The following NPHP3 variants were observed in gnomAD, a reference collection of about 807,000 sequenced individuals.
The protein encoded by NPHP3 is nephrocystin-3.
NPHP3 carries 123 observed loss-of-function variants against 171.9 expected under a neutral mutation model. That is an observed-to-expected ratio of 0.72 (90% CI 0.62 to 0.83). The LOEUF is 0.83. Ranked by LOEUF, NPHP3 falls within the 40% of genes least tolerant of loss-of-function variation. The pLI, the probability that NPHP3 is intolerant of heterozygous loss-of-function variation, is 0.00. For missense variants in NPHP3, 1,506 were observed against 1,591.9 expected (o/e 0.95, Z 0.92); for synonymous variants, 558 against 579.2 (o/e 0.96, Z 0.52).
intron 16 of NPHP3, chr3:132,693,030 C>A: frequency 5.7e-6 from 3 of 529,160 alleles, no homozygotes; most frequent in South Asian, 2.5e-5. Flanking sequence ...ATCTAGCACA[C>A]CAAAGATAAC....
At chr3:132,684,449 CAT>C in intron 24 of NPHP3, 103 bp downstream of exon 24, 1 of 1,118,434 alleles carries the variant, frequency 8.9e-7, no homozygotes, top group Non-Finnish European at 1.3e-6. Context: ...TTTTAAAGCT[CAT>C]ATAAACTAAC....
chr3:132,705,247 CA>C (rs1939715543), intron 8 of NPHP3, among the ~76,000 whole-genome samples: 2 of 151,964 alleles, frequency 1.3e-5, no homozygotes, highest in Non-Finnish European at 2.9e-5. Flanking sequence ...ATATATAACT[CA>C]CATAAATTTT....
intron 16 of NPHP3, 128 bp downstream of exon 16, chr3:132,694,699 G>T: frequency 2.0e-6 from 2 of 979,244 alleles, no homozygotes; most frequent in Non-Finnish European, 3.1e-6. Flanking sequence ...GCACACTATG[G>T]CTATCAGCAT....
At chr3:132,685,373 C>T (rs1204049356) in intron 23 of NPHP3, 3 of 152,790 alleles carry the variant, frequency 2.0e-5, no homozygotes, top group Admixed American at 1.3e-4. Context: ...GCCTCAGCCT[C>T]CTAAAGCTCT....
At chr3:132,718,266 A>T (rs547622075) in intron 3 of NPHP3, 10 of 299,292 alleles carry the variant, frequency 3.3e-5, no homozygotes, top group South Asian at 2.7e-4. Context: ...TTCTTTTTTC[A>T]GTATCAATCA....
chr3:132,706,536 G>A (rs1015824915), intron 7 of NPHP3, among the ~76,000 whole-genome samples: 2 of 151,842 alleles, frequency 1.3e-5, no homozygotes, highest in African/African-American at 4.8e-5. Context: ...AAGCAAAATA[G>A]TATACTATGT....
intron 24 of NPHP3, among the ~76,000 whole-genome samples, chr3:132,683,750 C>A (rs1212377717): frequency 6.6e-6 from 1 of 152,186 alleles, no homozygotes; most frequent in Non-Finnish European, 1.5e-5. Flanking sequence ...TTAGGATCAT[C>A]CACTATTACT....
chr3:132,722,036 T>C lies in NPHP3; in HGVS notation c.320A>G (p.Gln107Arg). 3 of 1,613,160 alleles carry C rather than the reference T, an allele frequency of 1.9e-6. No homozygotes were observed. The highest frequency in any genetic ancestry group is 2.5e-6 in the Non-Finnish European group (3 of 1,179,880). Residue 107 changes from glutamine to arginine, a missense_variant, in exon 1 of 27, where the codon CAG (glutamine) becomes CGG (arginine). Gln to Arg is a conservative substitution (Grantham distance 43). This residue lies in a region of NPHP3 where 930 missense variants were observed against 924.9 expected (regional missense o/e 1.01). Transcript: ENST00000337331. ...EYEIFRVSKNQELLSMGRREA... is the reference protein window; with the variant it reads ...EYEIFRVSKNRELLSMGRREA... ...GCGGCGGCCCATGGACAACAACTCC[T>C]GGTTCTTGCTGACGCGAAAGATCTC...
At chr3:132,701,912 G>A (rs1939619608) in intron 9 of NPHP3, among the ~76,000 whole-genome samples, 2 of 152,174 alleles carry the variant, frequency 1.3e-5, no homozygotes, top group Admixed American at 6.5e-5. Flanking sequence ...TGTAGTCCCA[G>A]CTACTCAGGA....
chr3:132,706,684 T>C (rs1939763908), intron 7 of NPHP3, among the ~76,000 whole-genome samples: 1 of 152,202 alleles, frequency 6.6e-6, no homozygotes, highest in South Asian at 2.1e-4. Context: ...AGATTTACCC[T>C]ACATTTACAT....
chr3:132,706,771 TTAAAG>T (rs1271740244), intron 7 of NPHP3, among the ~76,000 whole-genome samples: 1 of 152,186 alleles, frequency 6.6e-6, no homozygotes, highest in Non-Finnish European at 1.5e-5. Context: ...ACTAAATTTT[TTAAAG>T]TAAAGGTTAT....
intron 18 of NPHP3, 59 bp from the exon 19 acceptor site, chr3:132,690,709 G>T: frequency 6.4e-7 from 1 of 1,566,952 alleles, no homozygotes; most frequent in African/African-American, 1.4e-5. Flanking sequence ...GCTTCAAAAA[G>T]GCTTCAGGCA....
rs1940254680 is a variant in NPHP3 at position 132,722,220 on chromosome 3, G to A, written c.136C>T (p.Arg46Cys). The change falls in exon 1 of 27, where the codon CGC becomes TGC. Residue 46 changes from arginine (R) to cysteine (C), a missense_variant. Transcript: ENST00000337331. ...PKARLLRNSF[R>C]RGAGAAAGAG... ...CCTGCTGCCGCCCCCGCGCCTCGGC[G>A]GAACGAGTTGCGCAGCAGGCGGGCC... The A allele has an allele frequency of 1.9e-6, 3 of 1,540,342 alleles. No individual in the cohort carries two copies. The highest frequency in any genetic ancestry group is 2.4e-5 in the South Asian group (2 of 84,418).
intron 16 of NPHP3, 50 bp downstream of exon 16, chr3:132,694,777 C>T: frequency 6.3e-7 from 1 of 1,596,592 alleles, no homozygotes; most frequent in Non-Finnish European, 8.5e-7. Context: ...TCCATTCACA[C>T]ACACACAAAG....
chr3:132,685,847 C>T (rs536750689), intron 23 of NPHP3: 128 of 192,446 alleles, frequency 6.7e-4, no homozygotes, highest in South Asian at 1.5e-3. Flanking sequence ...GTCAGGAGAT[C>T]GAGACCATCC....
At chr3:132,684,844 G>A in intron 23 of NPHP3, 50 bp from the exon 24 acceptor site, 1 of 1,600,780 alleles carries the variant, frequency 6.2e-7, no homozygotes, top group Non-Finnish European at 8.5e-7. Flanking sequence ...TCTAGAGTTT[G>A]GAATCCTGAC....
Position 132,710,057 on chromosome 3 carries a change from C to T in NPHP3, c.1119-1800G>A, listed in dbSNP as rs115579730. On this transcript the variant is annotated intron_variant, in intron 6 of 26. Transcript: ENST00000337331. ...ATTTTATTCAAATAATCTGGTGGAA[C>T]GGAAGCAGATGCTACAGATGAAACA... is the stretch of plus-strand genomic sequence containing the variant. 5.9e-3 allele frequency among the ~76,000 whole-genome samples: 899 copies of T among 152,224 alleles called. 10 individuals carry two copies. The highest frequency in any genetic ancestry group is 9.1e-3 in the Non-Finnish European group (618 of 68,028).
chr3:132,694,808 TAA>T lies in NPHP3; in HGVS notation c.2310+17_2310+18del. On this transcript the variant is annotated intron_variant, in intron 16 of 26. Coordinates refer to ENST00000337331, the MANE Select transcript of NPHP3 (RefSeq NM_153240.5). ...CAAAGCAAACTAACATTCCTTTTTA[TAA>T]GTTTATTACATTCTACCTGCTTCAT... 6.2e-7 allele frequency: 1 copy of T among 1,611,516 alleles called. No homozygotes were observed. Among genetic ancestry groups the T allele is most frequent in the Non-Finnish European group, 8.5e-7 (1 of 1,179,532 alleles).
intron 6 of NPHP3, among the ~76,000 whole-genome samples, chr3:132,712,112 G>A (rs1170621303): frequency 6.6e-6 from 1 of 151,932 alleles, no homozygotes; most frequent in Admixed American, 6.6e-5. Flanking sequence ...TCTAACTGGT[G>A]AAAAAAAATC....
Sources: allele counts gnomAD v4.1 joint callset (sites outside exome capture counted in the v4.1 genomes callset), GRCh38; gene constraint gnomAD v4.1.1; regional missense constraint gnomAD v4.1.1; transcripts MANE v1.5; gene names NCBI Gene and HGNC (gene_info 2026-07-23, HGNC 2026-07-21).